Variants in NLGN1 observed in about 807,000 individuals in gnomAD.
The protein encoded by NLGN1 is neuroligin-1.
A neutral mutation model predicts 65.5 loss-of-function variants in NLGN1; 12 were observed. The ratio of observed to expected loss-of-function variants is 0.18; its 90% confidence interval spans 0.12 to 0.30. The LOEUF (loss-of-function observed/expected upper bound fraction) is 0.30, where lower values mean the gene tolerates loss of function less well. Among genes scored for constraint, NLGN1 ranks in the 10% least tolerant of loss-of-function variants. The pLI is 1.00. For synonymous variants in NLGN1, 350 were observed against 359.5 expected, an observed-to-expected ratio of 0.97 and a Z score of 0.30; for missense variants, 750 against 1,007.1, an observed-to-expected ratio of 0.74 and a Z score of 3.46.
At chr3:173,459,452 A>G (rs1300464849) in intron 2 of NLGN1, among the ~76,000 whole-genome samples, 2 of 152,076 alleles carry the variant, frequency 1.3e-5, no homozygotes, top group African/African-American at 2.4e-5. Context: ...GCATAAACTC[A>G]GTGACATTTC....
chr3:174,083,374 A>C (rs1742624447), intron 4 of NLGN1, among the ~76,000 whole-genome samples: 1 of 152,158 alleles, frequency 6.6e-6, no homozygotes, highest in Admixed American at 6.5e-5. Context: ...GTATTTATAT[A>C]TATAATGAAA....
At chr3:174,182,150 T>G (rs1389681421) in intron 4 of NLGN1, among the ~76,000 whole-genome samples, 1 of 152,106 alleles carries the variant, frequency 6.6e-6, no homozygotes. Context: ...TCTTTTTTTC[T>G]AAATATATTT....
intron 3 of NLGN1, among the ~76,000 whole-genome samples, chr3:173,629,457 C>T (rs1453965841): frequency 6.6e-6 from 1 of 151,926 alleles, no homozygotes; most frequent in Admixed American, 6.6e-5. Context: ...AGCAAATGAT[C>T]AATAGACAAT....
At chr3:173,854,559 C>G (rs1220187771) in intron 4 of NLGN1, among the ~76,000 whole-genome samples, 1 of 151,908 alleles carries the variant, frequency 6.6e-6, no homozygotes, top group Non-Finnish European at 1.5e-5. Context: ...GCCTATTTAA[C>G]TTTTTTTAAA....
chr3:173,684,245 G>T (rs1425923514), intron 3 of NLGN1, among the ~76,000 whole-genome samples: 1 of 151,932 alleles, frequency 6.6e-6, no homozygotes, highest in Non-Finnish European at 1.5e-5. Flanking sequence ...AAATTCTAGT[G>T]TCATTAAAGA....
intron 4 of NLGN1, among the ~76,000 whole-genome samples, chr3:174,226,948 A>G (rs890566174): frequency 6.6e-6 from 1 of 152,190 alleles, no homozygotes; most frequent in African/African-American, 2.4e-5. Context: ...AGACCTGGAT[A>G]TTTATTACTG....
At chr3:174,165,631 C>T (rs1727347219) in intron 4 of NLGN1, among the ~76,000 whole-genome samples, 1 of 151,862 alleles carries the variant, frequency 6.6e-6, no homozygotes, top group African/African-American at 2.4e-5. Flanking sequence ...CATGTCTATG[C>T]CTATCGGGGA....
chr3:174,014,012 G>A (rs1579767974), intron 4 of NLGN1, among the ~76,000 whole-genome samples: 2 of 152,206 alleles, frequency 1.3e-5, no homozygotes, highest in African/African-American at 4.8e-5. Flanking sequence ...ACCACACCTG[G>A]CTGAATCTAG....
chr3:174,120,295 G>A (rs1402291354), intron 4 of NLGN1, among the ~76,000 whole-genome samples: 1 of 151,892 alleles, frequency 6.6e-6, no homozygotes, highest in Non-Finnish European at 1.5e-5. Context: ...AGATCAGCCT[G>A]GCCAACATGG....
chr3:173,456,038 C>G (rs1425325127), intron 2 of NLGN1, among the ~76,000 whole-genome samples: 1 of 152,054 alleles, frequency 6.6e-6, no homozygotes, highest in African/African-American at 2.4e-5. Flanking sequence ...TGATACACAG[C>G]CATCTGCTTT....
At chr3:173,517,762 C>CTATCTATCTATCTA (rs1734053602) in intron 2 of NLGN1, among the ~76,000 whole-genome samples, 1 of 145,700 alleles carries the variant, frequency 6.9e-6, no homozygotes, top group East Asian at 2.0e-4. Flanking sequence ...ATCTATCTAT[C>CTATCTATCTATCTA]TATCTATCTA....
At chr3:173,691,079 G>C (rs548031115) in intron 3 of NLGN1, among the ~76,000 whole-genome samples, 145 of 152,248 alleles carry the variant, frequency 9.5e-4, no homozygotes, top group Middle Eastern at 3.4e-3. Flanking sequence ...TTGTGATTAG[G>C]AGTCTGAATT....
At chr3:174,251,841 A>T (rs1352040944) in intron 4 of NLGN1, among the ~76,000 whole-genome samples, 1 of 152,188 alleles carries the variant, frequency 6.6e-6, no homozygotes, top group Non-Finnish European at 1.5e-5. Flanking sequence ...GAGTAAAGAA[A>T]GTATTTTCTT....
chr3:173,658,543 A>G (rs1760432692), intron 3 of NLGN1, among the ~76,000 whole-genome samples: 1 of 152,030 alleles, frequency 6.6e-6, no homozygotes, highest in African/African-American at 2.4e-5. Context: ...GCATAGAACT[A>G]TCCTTCTCCT....
chr3:173,779,716 ATG>A (rs1326425125), intron 3 of NLGN1, among the ~76,000 whole-genome samples: 1 of 152,110 alleles, frequency 6.6e-6, no homozygotes, highest in Non-Finnish European at 1.5e-5. Flanking sequence ...TTACCAAAAA[ATG>A]AGAAAATCAA....
At chr3:173,397,962 C>A (rs1716928974), upstream of NLGN1, 1 of 152,298 alleles carries the variant, frequency 6.6e-6, no homozygotes, top group African/African-American at 2.4e-5. Flanking sequence ...GGAGTGCAGT[C>A]GCCTCCAAAG....
At chr3:173,580,895 A>G (rs1746291383) in intron 2 of NLGN1, among the ~76,000 whole-genome samples, 1 of 139,072 alleles carries the variant, frequency 7.2e-6, no homozygotes, top group Non-Finnish European at 1.6e-5. Context: ...GATTTGTGGT[A>G]GTTGGCTGTT....
intron 4 of NLGN1, among the ~76,000 whole-genome samples, chr3:174,188,457 A>G (rs1278139559): frequency 6.6e-6 from 1 of 152,022 alleles, no homozygotes; most frequent in African/African-American, 2.4e-5. Context: ...GTGTCCTCTT[A>G]TTTAGTCCTC....
intron 4 of NLGN1, among the ~76,000 whole-genome samples, chr3:173,903,377 G>T (rs1417690195): frequency 1.3e-5 from 2 of 152,070 alleles, no homozygotes; most frequent in African/African-American, 4.8e-5. Context: ...GGTGTGGACA[G>T]ATGACAAGCC....
Sources: gnomAD v4.1 joint callset for allele counts (sites outside exome capture counted in the v4.1 genomes callset) on GRCh38, gnomAD v4.1.1 for gene constraint, MANE v1.5 for transcripts, NCBI Gene and HGNC (gene_info 2026-07-23, HGNC 2026-07-21) for gene names.